Variants in PCDHA2 observed in about 807,000 individuals in gnomAD.
The protein encoded by PCDHA2 is protocadherin alpha 2, also known as protocadherin alpha-2.
A neutral mutation model predicts 66.0 loss-of-function variants in PCDHA2; 58 were observed. That is an observed-to-expected ratio of 0.88 (90% CI 0.71 to 1.09). The LOEUF is 1.09. Ranked by LOEUF, PCDHA2 falls within the 50% of genes least tolerant of loss-of-function variation. The pLI is 0.00. For missense variants in PCDHA2, 1,267 were observed against 1,242.3 expected (o/e 1.02, Z -0.30); for synonymous variants, 634 against 554.0 (o/e 1.14, Z -2.03).
intron 1 of PCDHA2, chr5:140,877,514 G>C: frequency 6.2e-7 from 1 of 1,613,764 alleles, no homozygotes; most frequent in South Asian, 1.1e-5. Context: ...ACGTCGTCGC[G>C]GGCCTCAGTG....
chr5:140,941,243 CTT>C (rs782176516), intron 1 of PCDHA2, among the ~76,000 whole-genome samples: 1 of 131,826 alleles, frequency 7.6e-6, no homozygotes, highest in Non-Finnish European at 1.6e-5. Flanking sequence ...TTCTTTCTTT[CTT>C]TCTTTCTTTC....
chr5:140,871,493 A>C lies in PCDHA2; in HGVS notation c.2388+74141A>C, dbSNP rs968230550. 1.9e-6 allele frequency: 3 copies of C among 1,588,916 alleles called. No individual in the cohort carries two copies. In the African/African-American group the frequency reaches 4.0e-5, roughly 21 times the overall value. On this transcript the variant is annotated intron_variant, in intron 1 of 3. Coordinates refer to ENST00000526136, the MANE Select transcript of PCDHA2 (RefSeq NM_018905.3). Reference sequence around the variant, plus strand: ...GAGCCAGGGTCAAATCACCCCGGACAGGTGAGTTTTCTACAGATTCCACCT... The same window carrying C: ...GAGCCAGGGTCAAATCACCCCGGACCGGTGAGTTTTCTACAGATTCCACCT...
chr5:140,823,993 T>G (rs1767960807), intron 1 of PCDHA2: 1 of 1,613,862 alleles, frequency 6.2e-7, no homozygotes, highest in Admixed American at 1.7e-5. Context: ...CACTCTGTTG[T>G]GCTCCAGCGC....
intron 1 of PCDHA2, among the ~76,000 whole-genome samples, chr5:140,906,235 C>G (rs1319955366): frequency 1.3e-5 from 2 of 152,174 alleles, no homozygotes; most frequent in African/African-American, 4.8e-5. Flanking sequence ...CTCCCCTTGT[C>G]AACTTGAACC....
At position 140,809,084 on chromosome 5, in the gene PCDHA2, A is replaced by G. The variant is rs1250955428; in HGVS notation, c.2388+11732A>G. 4 of 1,613,806 alleles carry G rather than the reference A, an allele frequency of 2.5e-6. No individual in the cohort carries two copies. Among genetic ancestry groups the G allele is most frequent in the African/African-American group, 1.3e-5 (1 of 74,928 alleles). On this transcript the variant is annotated intron_variant, in intron 1 of 3. Transcript: ENST00000526136. The stretch of plus-strand genomic sequence containing the variant: ...GGGGCTGTACACTGGCGAGATCAGC[A>G]CAACGCGTGCCCTGGACGAAACGGA...
chr5:140,822,847 G>C, intron 1 of PCDHA2: 1 of 1,614,212 alleles, frequency 6.2e-7, no homozygotes, highest in Non-Finnish European at 8.5e-7. Flanking sequence ...TTTCCTGCCT[G>C]TCAAAGAGGA....
chr5:140,809,562 C>T (rs781790264), intron 1 of PCDHA2: 29 of 1,608,070 alleles, frequency 1.8e-5, no homozygotes, highest in East Asian at 4.5e-5. Flanking sequence ...ACTGAGGAAT[C>T]CTTTGCAAAG....
At chr5:140,877,745 T>C (rs1554170071) in intron 1 of PCDHA2, 3 of 1,614,108 alleles carry the variant, frequency 1.9e-6, no homozygotes, top group Non-Finnish European at 2.5e-6. Context: ...AGGCAGAGGG[T>C]GTGCTCTGCA....
chr5:140,916,475 C>T (rs2077583115), intron 1 of PCDHA2, among the ~76,000 whole-genome samples: 1 of 152,206 alleles, frequency 6.6e-6, no homozygotes, highest in South Asian at 2.1e-4. Flanking sequence ...TTATTTGGTG[C>T]CCAAGGGCTC....
At chr5:140,843,076 G>C in intron 1 of PCDHA2, 1 of 1,595,332 alleles carries the variant, frequency 6.3e-7, no homozygotes, top group South Asian at 1.1e-5. Context: ...CGCGGTCTGT[G>C]GGCGCGGGCC....
At chr5:140,884,385 C>A (rs1554181508) in intron 1 of PCDHA2, 1 of 1,613,992 alleles carries the variant, frequency 6.2e-7, no homozygotes, top group Non-Finnish European at 8.5e-7. Context: ...GCCATCTGCG[C>A]GGTGTCCAGC....
At chr5:140,967,468 C>T (rs155807) in intron 1 of PCDHA2, 541,339 of 1,613,022 alleles carry the variant, frequency 0.34, 92,423 homozygotes, top group East Asian at 0.5. Context: ...ATGGGGGCAT[C>T]CCAGCCCGCT....
chr5:140,856,923 T>A (rs1178891192), intron 1 of PCDHA2: 1 of 1,595,300 alleles, frequency 6.3e-7, no homozygotes, highest in Non-Finnish European at 8.6e-7. Flanking sequence ...AGAAGGAAAT[T>A]TTGGATAAAC....
At chr5:140,828,473 G>A in intron 1 of PCDHA2, 1 of 1,614,248 alleles carries the variant, frequency 6.2e-7, no homozygotes, top group Non-Finnish European at 8.5e-7. Context: ...GGACATTAAC[G>A]ACAACCCGCC....
intron 1 of PCDHA2, chr5:140,829,448 C>G (rs1770312279): frequency 1.9e-6 from 3 of 1,613,964 alleles, no homozygotes. Context: ...TGACAATGCT[C>G]CGGCGTTCGC....
In PCDHA2 at chr5:140,857,981, C is replaced by T. The variant is rs377577023; in HGVS notation, c.2388+60629C>T. The T allele has an allele frequency of 2.5e-6, 4 of 1,596,862 alleles. 1 individual carries two copies. The highest frequency in any genetic ancestry group is 3.4e-6 in the Non-Finnish European group (4 of 1,167,208). The stretch of plus-strand genomic sequence containing the variant: ...GGATGAGACTGACTCGCCACGCCAG[C>T]GCCTACTGGTGCTGGTGAAGGACCA... On this transcript the variant is annotated intron_variant, in intron 1 of 3. Transcript: ENST00000526136.
intron 1 of PCDHA2, among the ~76,000 whole-genome samples, chr5:140,960,799 A>C (rs2095571237): frequency 6.6e-6 from 1 of 152,170 alleles, no homozygotes; most frequent in Non-Finnish European, 1.5e-5. Flanking sequence ...TTTCTATTAA[A>C]ATAAGAGGTC....
chr5:140,808,892 C>T (rs13189658), intron 1 of PCDHA2: 1 of 1,613,376 alleles, frequency 6.2e-7, no homozygotes, highest in Admixed American at 1.7e-5. Flanking sequence ...GCTAGCGCCT[C>T]GGGCGGGTGG....
intron 1 of PCDHA2, among the ~76,000 whole-genome samples, chr5:140,890,087 A>G (rs1284769572): frequency 6.6e-6 from 1 of 152,170 alleles, no homozygotes; most frequent in African/African-American, 2.4e-5. Context: ...TGATAATGCA[A>G]ATTTATTCCC....
Sources: gnomAD v4.1 joint callset for allele counts (sites outside exome capture counted in the v4.1 genomes callset) on GRCh38, gnomAD v4.1.1 for gene constraint, MANE v1.5 for transcripts, NCBI Gene and HGNC (gene_info 2026-07-23, HGNC 2026-07-21) for gene names.